AGAP4: variants seen among roughly 807,000 people sequenced by gnomAD.
AGAP4 encodes ArfGAP with GTPase domain, ankyrin repeat and PH domain 4, also known as arf-GAP with GTPase, ANK repeat and PH domain-containing protein 4.
A neutral mutation model predicts 60.7 loss-of-function variants in AGAP4; 13 were observed. The observed-to-expected ratio is 0.21, with a 90% CI of 0.14 to 0.34. The LOEUF is 0.34. Ranked by LOEUF, AGAP4 falls within the 10% of genes least tolerant of loss-of-function variation. The pLI, the probability that AGAP4 is intolerant of heterozygous loss-of-function variation, is 1.00. For missense variants in AGAP4, 169 were observed against 884.0 expected (o/e 0.19, Z 10.26); for synonymous variants, 70 against 339.0 (o/e 0.21, Z 8.72).
intron 4 of AGAP4, among the ~76,000 whole-genome samples, chr10:45,834,929 G>A (rs1342079038): frequency 6.8e-5 from 10 of 147,186 alleles, no homozygotes; most frequent in South Asian, 6.3e-4. Context: ...GCCCACCACC[G>A]TGCCCGGCTA....
intron 4 of AGAP4, among the ~76,000 whole-genome samples, chr10:45,839,885 T>C (rs1490488862): frequency 2.8e-5 from 4 of 144,234 alleles, no homozygotes; most frequent in Non-Finnish European, 6.1e-5. Context: ...TCAATAGAAA[T>C]AGTAGAGGAT....
intron 4 of AGAP4, among the ~76,000 whole-genome samples, chr10:45,836,958 C>T (rs1303149942): frequency 4.0e-5 from 6 of 149,310 alleles, no homozygotes; most frequent in East Asian, 2.0e-4. Context: ...CCTCTGCCTC[C>T]GAGGTTCAAG....
chr10:45,849,205 A>G (rs1200926323), upstream of AGAP4, among the ~76,000 whole-genome samples: 9 of 150,672 alleles, frequency 6.0e-5, no homozygotes, highest in African/African-American at 2.2e-4. Flanking sequence ...CTGCCTGGAC[A>G]ACAGAGCAAG....
At chr10:45,837,639 A>T (rs1396064753) in intron 4 of AGAP4, among the ~76,000 whole-genome samples, 1 of 151,876 alleles carries the variant, frequency 6.6e-6, no homozygotes, top group Non-Finnish European at 1.5e-5. Context: ...TATTCAACAA[A>T]TGGTGCTGGG....
In AGAP4 at chr10:45,841,689, TAAGAA is replaced by T. The variant is rs2058921244; in HGVS notation, c.362-7_362-3del. 28 of 887,004 alleles carry T rather than the reference TAAGAA, an allele frequency of 3.2e-5. No homozygotes were observed. The highest frequency in any genetic ancestry group is 4.2e-5 in the Non-Finnish European group (26 of 615,514). 54.9% of individuals were successfully genotyped at this position (887,004 alleles called of 1,614,324 possible). On this transcript the variant is annotated splice_polypyrimidine_tract_variant and splice_region_variant and intron_variant, in intron 3 of 7. Transcript: ENST00000616763. ...AGTTGCTTCTTCTTATTTCTACAAC[TAAGAA>T]TAAAAAAAAAAAAACTGGTCACTTC...
intron 6 of AGAP4, among the ~76,000 whole-genome samples, chr10:45,830,067 G>C (rs1463177242): frequency 6.8e-6 from 1 of 148,120 alleles, no homozygotes; most frequent in South Asian, 2.2e-4. Context: ...ACCACCACTT[G>C]TGAAGTTTTG....
chr10:45,835,745 TC>T (rs2058806493), intron 4 of AGAP4, among the ~76,000 whole-genome samples: 1 of 90,396 alleles, frequency 1.1e-5, no homozygotes, highest in Non-Finnish European at 2.3e-5. Context: ...CCCTTACTCT[TC>T]CTACCTCCAG....
At chr10:45,849,457 AGAT>A (rs1219114195), upstream of AGAP4, among the ~76,000 whole-genome samples, 849 of 145,292 alleles carry the variant, frequency 5.8e-3, 6 homozygotes, top group African/African-American at 0.019. Context: ...ATGACATTGT[AGAT>A]GATGATGATG....
upstream of AGAP4, among the ~76,000 whole-genome samples, chr10:45,852,217 T>TAAAAAAAAAAAAAAAAA (rs781889843): frequency 1.7e-4 from 16 of 91,712 alleles, no homozygotes; most frequent in African/African-American, 7.7e-4. Context: ...GGCCAGACTT[T>TAAAAAAAAAAAAAAAAA]AAAAAAAAAA....
intron 2 of AGAP4, chr10:45,844,606 T>G: frequency 2.0e-6 from 1 of 501,974 alleles, no homozygotes; most frequent in Non-Finnish European, 3.4e-6. Flanking sequence ...GAAAATCACT[T>G]GAACCCAGGT....
At chr10:45,828,654 C>A (rs1341366876) in intron 6 of AGAP4, among the ~76,000 whole-genome samples, 5 of 144,916 alleles carry the variant, frequency 3.5e-5, no homozygotes, top group East Asian at 2.0e-4. Context: ...CCCGAAGACC[C>A]CTTCCAGAAG....
chr10:45,846,421 C>T (rs1477029797), intron 2 of AGAP4, among the ~76,000 whole-genome samples: 2 of 151,882 alleles, frequency 1.3e-5, no homozygotes, highest in African/African-American at 2.4e-5. Flanking sequence ...CCATGGCAAA[C>T]TCCATTCTGA....
intron 4 of AGAP4, among the ~76,000 whole-genome samples, chr10:45,839,330 G>GAAAA (rs532227613): frequency 9.5e-6 from 1 of 104,998 alleles, no homozygotes; most frequent in African/African-American, 3.1e-5. Context: ...GGTAAAATGT[G>GAAAA]AAAAAAAAAA....
chr10:45,842,791 G>T (rs2135957219), intron 3 of AGAP4, among the ~76,000 whole-genome samples: 1 of 127,676 alleles, frequency 7.8e-6, no homozygotes, highest in Non-Finnish European at 1.6e-5. Flanking sequence ...CTCTCTAGGT[G>T]TGAGAAGCCC....
rs2058944692 is a variant in AGAP4 at position 45,843,051 on chromosome 10, CT to C, written c.361+1274del. On this transcript the variant is annotated intron_variant, in intron 3 of 7. Coordinates refer to ENST00000616763, the MANE Select transcript of AGAP4 (RefSeq NM_001276343.3). Reference sequence around the variant, plus strand: ...GTGGCTGAAGCCTGTAATCCCAGCACTTTGGGAGGCTGAAGCGGGTAGATCA... The same window carrying C: ...GTGGCTGAAGCCTGTAATCCCAGCACTTGGGAGGCTGAAGCGGGTAGATCA... Among the ~76,000 whole-genome samples, 2 of 86,496 alleles carry C rather than the reference CT, an allele frequency of 2.3e-5. 1 individual carries two copies. Among genetic ancestry groups the C allele is most frequent in the Non-Finnish European group, 4.6e-5 (2 of 43,214 alleles). The allele number at this position is 86,496 out of a possible 152,430, so 56.7% of individuals were successfully genotyped here.
intron 6 of AGAP4, among the ~76,000 whole-genome samples, chr10:45,831,186 TAATC>T (rs1226828013): frequency 8.8e-6 from 1 of 113,682 alleles, no homozygotes; most frequent in African/African-American, 3.4e-5. Context: ...AATATCAATA[TAATC>T]AATATAAACA....
chr10:45,844,503 T>C (rs1554899153), intron 2 of AGAP4, 109 bp from the exon 3 acceptor site: 4 of 1,529,826 alleles, frequency 2.6e-6, no homozygotes, highest in Non-Finnish European at 3.5e-6. Flanking sequence ...TCTACTTTGA[T>C]TCTTATCCAT....
intron 4 of AGAP4, among the ~76,000 whole-genome samples, chr10:45,834,812 C>T (rs1302577152): frequency 3.5e-5 from 5 of 144,702 alleles, no homozygotes; most frequent in South Asian, 2.1e-4. Flanking sequence ...CTCGCTCTGT[C>T]GCCCAGACTG....
intron 1 of AGAP4, among the ~76,000 whole-genome samples, chr10:45,852,553 A>C (rs1210556698): frequency 1.3e-5 from 2 of 151,736 alleles, no homozygotes; most frequent in East Asian, 3.9e-4. Context: ...TCTAACATAT[A>C]ACTACAAAAT....
Sources: allele counts gnomAD v4.1 joint callset (sites outside exome capture counted in the v4.1 genomes callset), GRCh38; gene constraint gnomAD v4.1.1; transcripts MANE v1.5; gene names NCBI Gene and HGNC (gene_info 2026-07-23, HGNC 2026-07-21).